TUBB8B: variants seen among roughly 807,000 people sequenced by gnomAD.
TUBB8B encodes tubulin beta 8B.
Under a neutral mutation model 31.9 loss-of-function variants are expected in TUBB8B, and 26 were observed. The ratio of observed to expected loss-of-function variants is 0.81; its 90% CI spans 0.60 to 1.13. The LOEUF (loss-of-function observed/expected upper bound fraction) is 1.13. TUBB8B is among the 50% of genes most tolerant of loss of function. TUBB8B has a pLI of 0.00. For synonymous variants in TUBB8B, 173 were observed against 231.0 expected, an observed-to-expected ratio of 0.75 and a Z score of 2.28; for missense variants, 467 against 586.7, an observed-to-expected ratio of 0.80 and a Z score of 2.11.
At chr18:51,220 G>A (rs1431037749), upstream of TUBB8B, among the ~76,000 whole-genome samples, 1 of 151,598 alleles carries the variant, frequency 6.6e-6, no homozygotes, top group East Asian at 1.9e-4. Flanking sequence ...GGATGGTCAA[G>A]GGGCTCATCT....
At chr18:66,803 A>G in the TUBB8B span, among the ~76,000 whole-genome samples, 1 of 152,136 alleles carries the variant, frequency 6.6e-6, no homozygotes. Context: ...GATTTCTGCC[A>G]AAAGGACGTG....
At chr18:63,659 C>A in the TUBB8B span, among the ~76,000 whole-genome samples, 1 of 149,568 alleles carries the variant, frequency 6.7e-6, no homozygotes, top group Non-Finnish European at 1.5e-5. Flanking sequence ...TAACCCTAGC[C>A]CTAGCCTTAG....
At chr18:70,593 C>T in the TUBB8B span, among the ~76,000 whole-genome samples, 1 of 152,156 alleles carries the variant, frequency 6.6e-6, no homozygotes, top group Non-Finnish European at 1.5e-5. Context: ...GGAGATCGCG[C>T]CACTACACCC....
the TUBB8B span, among the ~76,000 whole-genome samples, chr18:66,541 G>A: frequency 1.3e-5 from 2 of 152,158 alleles, no homozygotes; most frequent in Middle Eastern, 3.2e-3. Flanking sequence ...ACAAGAGTGA[G>A]ACCCTGTCTC....
At chr18:53,454 A>G (rs990626518), upstream of TUBB8B, among the ~76,000 whole-genome samples, 2 of 151,742 alleles carry the variant, frequency 1.3e-5, no homozygotes, top group African/African-American at 4.8e-5. Flanking sequence ...ACACAATGAG[A>G]TTTTTATTTA....
At chr18:61,141 G>A in the TUBB8B span, among the ~76,000 whole-genome samples, 7 of 151,414 alleles carry the variant, frequency 4.6e-5, no homozygotes, top group South Asian at 2.1e-4. Flanking sequence ...TTAGTGTTGA[G>A]TGCATATATA....
chr18:69,608 ACT>A, the TUBB8B span, among the ~76,000 whole-genome samples: 1 of 152,212 alleles, frequency 6.6e-6, no homozygotes. Flanking sequence ...GAGTCAAGAA[ACT>A]CTGGTCAGTA....
chr18:66,618 C>A, the TUBB8B span, among the ~76,000 whole-genome samples: 1 of 152,092 alleles, frequency 6.6e-6, no homozygotes, highest in Non-Finnish European at 1.5e-5. Flanking sequence ...AAATTCAGTT[C>A]TATTGATTTA....
At chr18:50,730 G>A (rs1600579534), upstream of TUBB8B, among the ~76,000 whole-genome samples, 1 of 151,864 alleles carries the variant, frequency 6.6e-6, no homozygotes, top group South Asian at 2.1e-4. Flanking sequence ...CTTCTTCAGG[G>A]TATTCCGGCC....
At chr18:63,254 T>A in the TUBB8B span, among the ~76,000 whole-genome samples, 7 of 151,904 alleles carry the variant, frequency 4.6e-5, 2 homozygotes, top group Non-Finnish European at 1.0e-4. Context: ...CAGTCTGGGC[T>A]TCTTTGTGCC....
At chr18:71,643 G>A in the TUBB8B span, among the ~76,000 whole-genome samples, 2 of 148,426 alleles carry the variant, frequency 1.3e-5, no homozygotes, top group African/African-American at 5.0e-5. Context: ...CAGCACTTTG[G>A]AAGGCCAAGG....
chr18:49,425 C>A (rs1198489794), intron 1 of TUBB8B, 76 bp downstream of exon 1: 3 of 900,746 alleles, frequency 3.3e-6, no homozygotes, highest in Non-Finnish European at 5.3e-6. Flanking sequence ...GCAGGGGCAC[C>A]GCTCCCGCCA....
chr18:66,040 C>A, the TUBB8B span, among the ~76,000 whole-genome samples: 1 of 152,032 alleles, frequency 6.6e-6, no homozygotes, highest in Non-Finnish European at 1.5e-5. Context: ...GCCAGTCCGG[C>A]CAACACAGGA....
At position 47,259 on chromosome 18, in the gene TUBB8B, A is replaced by G. The variant is rs1428870197; in HGVS notation, c.*131T>C. The stretch of plus-strand genomic sequence containing the variant: ...AATACTTTATTAGTCAAAACCGCAT[A>G]CTATAAAAATGCTTTAAAACGCAGC... On this transcript the variant is annotated 3_prime_UTR_variant, in exon 4 of 4. Coordinates refer to ENST00000308911, the MANE Select transcript of TUBB8B (RefSeq NM_001358689.2). 4 of 566,692 alleles carry G rather than the reference A, an allele frequency of 7.1e-6. No individual in the cohort carries two copies. Among genetic ancestry groups the G allele is most frequent in the Non-Finnish European group, 1.2e-5 (4 of 325,724 alleles). The allele number at this position is 566,692 out of a possible 1,614,324, so 35.1% of individuals were successfully genotyped here. A position where few individuals can be genotyped will look rare whatever the true frequency, so the allele number is the denominator to read the frequency against.
the TUBB8B span, among the ~76,000 whole-genome samples, chr18:62,291 T>G: frequency 6.6e-6 from 1 of 151,772 alleles, no homozygotes; most frequent in Admixed American, 6.6e-5. Flanking sequence ...CTTTGGGTGT[T>G]CAGTTAAGTG....
At chr18:52,719 T>C (rs991180369), upstream of TUBB8B, among the ~76,000 whole-genome samples, 4 of 151,770 alleles carry the variant, frequency 2.6e-5, no homozygotes, top group African/African-American at 9.7e-5. Context: ...GACCACAAAG[T>C]AGGATTCTTA....
chr18:63,178 C>A, the TUBB8B span, among the ~76,000 whole-genome samples: 1 of 151,652 alleles, frequency 6.6e-6, no homozygotes, highest in Non-Finnish European at 1.5e-5. Context: ...CCTGGATGGC[C>A]TTGATACTTG....
chr18:71,907 A>C, the TUBB8B span, among the ~76,000 whole-genome samples: 2 of 147,948 alleles, frequency 1.4e-5, no homozygotes, highest in African/African-American at 5.0e-5. Flanking sequence ...GGCTGGGCTC[A>C]GTGGCTCACG....
chr18:50,568 T>C (rs1906050573), upstream of TUBB8B: 1 of 152,302 alleles, frequency 6.6e-6, no homozygotes, highest in Non-Finnish European at 1.5e-5. Context: ...AAATGAGACA[T>C]TAACAGAAAC....
Sources: gnomAD v4.1 joint callset for allele counts (sites outside exome capture counted in the v4.1 genomes callset) on GRCh38, gnomAD v4.1.1 for gene constraint, MANE v1.5 for transcripts, NCBI Gene and HGNC (gene_info 2026-07-23, HGNC 2026-07-21) for gene names.